Variants in CACNA1C observed in about 807,000 individuals in gnomAD.
CACNA1C encodes the protein voltage-dependent L-type calcium channel subunit alpha-1C.
In CACNA1C, 30 loss-of-function variants were observed where a neutral mutation model predicts 229.0. That is an observed-to-expected ratio of 0.13 (90% CI 0.10 to 0.18). The LOEUF (loss-of-function observed/expected upper bound fraction) is 0.18, where lower values mean the gene tolerates loss of function less well. CACNA1C is among the 10% of genes least tolerant of loss of function. The pLI is 1.00. For synonymous variants in CACNA1C, 1,114 were observed against 1,132.5 expected (o/e 0.98, Z 0.33); for missense variants, 1,658 against 2,845.0 (o/e 0.58, Z 9.49).
chr12:2,630,560 C>A lies in CACNA1C; in HGVS notation c.3829-3737C>A, dbSNP rs1362999728. ...ATGGGGATGGAGGCCTGAAAGCTGGCCCTGAAATTGTCTTCATGGTCCAGC... is the reference window on the plus strand; with the variant it reads ...ATGGGGATGGAGGCCTGAAAGCTGGACCTGAAATTGTCTTCATGGTCCAGC... On this transcript the variant is annotated intron_variant, in intron 29 of 46. Coordinates refer to ENST00000399655, the MANE Select transcript of CACNA1C (RefSeq NM_000719.7). The surrounding 1 kb of genome is among the most constrained non-coding windows in gnomAD (Gnocchi z 5.4). Among the ~76,000 whole-genome samples, 2 of 152,002 alleles carry A rather than the reference C, an allele frequency of 1.3e-5. No individual in the cohort carries two copies. The highest frequency in any genetic ancestry group is 2.9e-5 in the Non-Finnish European group (2 of 68,012).
At chr12:2,080,225 G>A (rs2154048355) in intron 1 of CACNA1C, among the ~76,000 whole-genome samples, 1 of 151,912 alleles carries the variant, frequency 6.6e-6, no homozygotes, top group South Asian at 2.1e-4. Flanking sequence ...TTGTGCCACT[G>A]CACTCCAGAC....
intron 3 of CACNA1C, among the ~76,000 whole-genome samples, chr12:2,248,656 G>A (rs1276706657): frequency 6.6e-6 from 1 of 152,220 alleles, no homozygotes; most frequent in South Asian, 2.1e-4. Flanking sequence ...GTTCAAAGCC[G>A]CAGTGGTATA....
At chr12:2,301,318 T>G (rs1217905781) in intron 3 of CACNA1C, among the ~76,000 whole-genome samples, 1 of 152,152 alleles carries the variant, frequency 6.6e-6, no homozygotes, top group Admixed American at 6.5e-5. Context: ...AACCTTCTGA[T>G]CCTGTAAAAT....
chr12:2,608,493 A>T lies in CACNA1C; in HGVS notation c.3357-18A>T. 6.3e-7 allele frequency: 1 copy of T among 1,587,746 alleles called. No homozygotes were observed. Among genetic ancestry groups the T allele is most frequent in the Non-Finnish European group, 8.6e-7 (1 of 1,164,048 alleles). ...CTGCTTCTCCAGTTCCCTCTGTGGG[A>T]CCTGTCTCCTCCTGCAGGCTGCTGT... is the stretch of plus-strand genomic sequence containing the variant. On this transcript the variant is annotated intron_variant, in intron 26 of 46. Transcript: ENST00000399655. The surrounding 1 kb of genome is among the most constrained non-coding windows in gnomAD (Gnocchi z 4.2).
intron 7 of CACNA1C, among the ~76,000 whole-genome samples, chr12:2,494,528 A>G (rs577244490): frequency 6.6e-5 from 10 of 152,330 alleles, no homozygotes; most frequent in African/African-American, 2.2e-4. Context: ...GCCATCGTGA[A>G]AACAATCTAA....
chr12:2,590,600 T>G (rs934885186), intron 18 of CACNA1C, among the ~76,000 whole-genome samples: 3 of 152,164 alleles, frequency 2.0e-5, no homozygotes, highest in Non-Finnish European at 4.4e-5. Context: ...GTACTGTGCC[T>G]GAGGTTCAGC....
Position 2,488,253 on chromosome 12 carries a change from G to A in CACNA1C, c.916+1991G>A, listed in dbSNP as rs574078907. On this transcript the variant is annotated intron_variant, in intron 6 of 46. Transcript: ENST00000399655. This position sits in a 1 kb window ranked among gnomAD's most constrained non-coding sequence, Gnocchi z 4.0. ...GCCGGTGGTGGGCTCCTGCAAGGGC[G>A]GGTGAGGATAAGCGGCCCTGAATAC... Among the ~76,000 whole-genome samples, 3 of 152,192 alleles carry A rather than the reference G, an allele frequency of 2.0e-5. No homozygotes were observed. Among genetic ancestry groups the A allele is most frequent in the African/African-American group, 4.8e-5 (2 of 41,432 alleles).
intron 1 of CACNA1C, among the ~76,000 whole-genome samples, chr12:2,089,835 C>G (rs2069568519): frequency 6.6e-6 from 1 of 151,308 alleles, no homozygotes; most frequent in Non-Finnish European, 1.5e-5. Flanking sequence ...GAGATCGAGA[C>G]CAGCCTGGCC....
intron 3 of CACNA1C, among the ~76,000 whole-genome samples, chr12:2,206,657 G>A (rs562270525): frequency 1.6e-4 from 25 of 152,300 alleles, no homozygotes; most frequent in African/African-American, 4.8e-4. Context: ...AATAGCCAGC[G>A]TGGCCAGTTT....
chr12:2,361,133 T>G (rs2097547308), intron 3 of CACNA1C, among the ~76,000 whole-genome samples: 1 of 151,992 alleles, frequency 6.6e-6, no homozygotes, highest in South Asian at 2.1e-4. Flanking sequence ...ACTTATTTGC[T>G]TGTTTCTTGC....
intron 3 of CACNA1C, among the ~76,000 whole-genome samples, chr12:2,139,541 G>A (rs1305251073): frequency 6.6e-6 from 1 of 151,226 alleles, no homozygotes; most frequent in East Asian, 1.9e-4. Flanking sequence ...GGCTGTTAGA[G>A]TGTTTCTTGA....
Position 2,410,820 on chromosome 12 carries a change from T to C in CACNA1C, c.478-38156T>C, listed in dbSNP as rs1304505334. Among the ~76,000 whole-genome samples, 1 of 146,284 alleles carries C rather than the reference T, an allele frequency of 6.8e-6. No individual in the cohort carries two copies. Among genetic ancestry groups the C allele is most frequent in the Non-Finnish European group, 1.5e-5 (1 of 66,286 alleles). ...GTATATGTGTGTGTGTGCGTGTGCATGTGCGTGTGTGTGTTTCAGGAGCTG... is the reference window on the plus strand; with the variant it reads ...GTATATGTGTGTGTGTGCGTGTGCACGTGCGTGTGTGTGTTTCAGGAGCTG... On this transcript the variant is annotated intron_variant, in intron 3 of 46. Transcript: ENST00000399655. The surrounding 1 kb of genome is among the most constrained non-coding windows in gnomAD (Gnocchi z 5.3).
At chr12:2,218,271 A>T (rs1401416022) in intron 3 of CACNA1C, among the ~76,000 whole-genome samples, 1 of 152,190 alleles carries the variant, frequency 6.6e-6, no homozygotes, top group Non-Finnish European at 1.5e-5. Context: ...CTGCAGGTTA[A>T]TCATCAACAA....
At chr12:2,450,706 C>T (rs2099361645) in intron 4 of CACNA1C, among the ~76,000 whole-genome samples, 1 of 152,096 alleles carries the variant, frequency 6.6e-6, no homozygotes, top group South Asian at 2.1e-4. Flanking sequence ...CCAGTGAGTG[C>T]TCAAGTGGCT....
Position 2,493,005 on chromosome 12 carries a change from A to G in CACNA1C, c.917-185A>G, listed in dbSNP as rs7961759. 0.017 allele frequency among the ~76,000 whole-genome samples: 2,640 copies of G among 152,316 alleles called. 69 individuals carry two copies. The highest frequency in any genetic ancestry group is 0.061 in the African/African-American group (2,529 of 41,564). On this transcript the variant is annotated intron_variant, in intron 6 of 46. Coordinates refer to ENST00000399655, the MANE Select transcript of CACNA1C (RefSeq NM_000719.7). This position sits in a 1 kb window ranked among gnomAD's most constrained non-coding sequence, Gnocchi z 4.6. ...TAACAGCAGCCTAAATGGAAAGCCT[A>G]CTTTCTTGTGTTGCTTAATTCACAT... is the stretch of plus-strand genomic sequence containing the variant.
chr12:2,324,174 C>G (rs2096168202), intron 3 of CACNA1C, among the ~76,000 whole-genome samples: 3 of 152,298 alleles, frequency 2.0e-5, no homozygotes, highest in Admixed American at 6.5e-5. Context: ...ATGACTCACT[C>G]TAGCCACTCT....
intron 1 of CACNA1C, among the ~76,000 whole-genome samples, chr12:2,035,917 C>A (rs1235106756): frequency 6.6e-6 from 1 of 152,156 alleles, no homozygotes; most frequent in Non-Finnish European, 1.5e-5. Context: ...TGATTTAAGT[C>A]TTTTTCCTTG....
At chr12:2,468,534 C>G (rs1292864807) in intron 5 of CACNA1C, among the ~76,000 whole-genome samples, 1 of 152,188 alleles carries the variant, frequency 6.6e-6, no homozygotes, top group Non-Finnish European at 1.5e-5. Flanking sequence ...TAACTCCCTC[C>G]AGGACTTGGT....
intron 1 of CACNA1C, among the ~76,000 whole-genome samples, chr12:2,001,014 G>A (rs2042069916): frequency 6.7e-6 from 1 of 150,228 alleles, no homozygotes; most frequent in Non-Finnish European, 1.5e-5. Context: ...TCCAGCCTGG[G>A]GAACAAGAGC....
Sources: allele counts gnomAD v4.1 joint callset (sites outside exome capture counted in the v4.1 genomes callset), GRCh38; gene constraint gnomAD v4.1.1; non-coding constraint Gnocchi (gnomAD v3.1); transcripts MANE v1.5; gene names NCBI Gene and HGNC (gene_info 2026-07-23, HGNC 2026-07-21).